Variants in TESC observed in about 807,000 individuals in gnomAD.
TESC encodes calcineurin B homologous protein 3.
A neutral mutation model predicts 31.0 loss-of-function variants in TESC; 19 were observed. The observed-to-expected ratio is 0.61, with a 90% CI of 0.43 to 0.90. The LOEUF is 0.90. Ranked by LOEUF, TESC falls within the 40% of genes least tolerant of loss-of-function variation. TESC has a pLI of 0.00. For synonymous variants in TESC, 109 were observed against 114.8 expected, an observed-to-expected ratio of 0.95 and a Z score of 0.32; for missense variants, 248 against 303.8, an observed-to-expected ratio of 0.82 and a Z score of 1.36.
rs1267460547 is a variant in TESC at position 117,046,630 on chromosome 12, C to T, written c.448G>A (p.Glu150Lys). ...GCGATGGAGCGAGCGGACTCCTTCTCGATGTGAGGGTTTCCCGACAGCAGC... is the reference window on the plus strand; with the variant it reads ...GCGATGGAGCGAGCGGACTCCTTCTTGATGTGAGGGTTTCCCGACAGCAGC... ...EELLSGNPHIEKESARSIADG... is the reference protein window; with the variant it reads ...EELLSGNPHIKKESARSIADG... Residue 150 changes from glutamate to lysine, a missense_variant, in exon 6 of 8, where the codon GAG (glutamate) becomes AAG (lysine). Glu to Lys is a moderately conservative substitution (Grantham distance 56). Transcript: ENST00000335209. 3.2e-6 allele frequency: 5 copies of T among 1,551,822 alleles called. No individual in the cohort carries two copies. The highest frequency in any genetic ancestry group is 4.4e-6 in the Non-Finnish European group (5 of 1,147,134).
At chr12:117,041,224 A>G (rs1187300401) in intron 7 of TESC, among the ~76,000 whole-genome samples, 1 of 152,228 alleles carries the variant, frequency 6.6e-6, no homozygotes, top group Non-Finnish European at 1.5e-5. Flanking sequence ...TTTAGGACAC[A>G]GCGAGGAAGG....
intron 1 of TESC, among the ~76,000 whole-genome samples, chr12:117,090,667 A>G (rs1955293807): frequency 6.6e-6 from 1 of 152,204 alleles, no homozygotes; most frequent in African/African-American, 2.4e-5. Flanking sequence ...TATCTGCTGG[A>G]AAAGGACAGG....
At chr12:117,072,496 C>T (rs1307837632) in intron 2 of TESC, among the ~76,000 whole-genome samples, 3 of 152,226 alleles carry the variant, frequency 2.0e-5, no homozygotes, top group Non-Finnish European at 4.4e-5. Flanking sequence ...AAGCCAATGG[C>T]ATGAAGGATT....
intron 1 of TESC, among the ~76,000 whole-genome samples, chr12:117,077,484 G>A (rs1394772023): frequency 1.3e-5 from 2 of 152,308 alleles, no homozygotes; most frequent in African/African-American, 2.4e-5. Flanking sequence ...ATGTCATGGC[G>A]GTGCCATTGG....
intron 4 of TESC, among the ~76,000 whole-genome samples, chr12:117,047,292 C>A (rs1289462608): frequency 6.6e-6 from 1 of 152,258 alleles, no homozygotes; most frequent in African/African-American, 2.4e-5. Flanking sequence ...CTGGGCCCGA[C>A]TGATCTAACA....
chr12:117,083,781 G>GC (rs1955180366), intron 1 of TESC, among the ~76,000 whole-genome samples: 1 of 152,124 alleles, frequency 6.6e-6, no homozygotes, highest in Admixed American at 6.6e-5. Context: ...TATCCTTTTG[G>GC]GGGTGATAAG....
chr12:117,064,624 A>G (rs1012673641), intron 2 of TESC, among the ~76,000 whole-genome samples: 1 of 152,224 alleles, frequency 6.6e-6, no homozygotes, highest in Non-Finnish European at 1.5e-5. Context: ...GGAGAGCACA[A>G]AAAAGATGGG....
chr12:117,074,962 C>T (rs776901629), intron 2 of TESC, among the ~76,000 whole-genome samples: 12 of 152,020 alleles, frequency 7.9e-5, no homozygotes, highest in African/African-American at 1.2e-4. Flanking sequence ...CTGGCTAACA[C>T]GGTGAAACCC....
intron 2 of TESC, among the ~76,000 whole-genome samples, chr12:117,072,833 A>G (rs992089667): frequency 6.6e-6 from 1 of 152,206 alleles, no homozygotes; most frequent in Non-Finnish European, 1.5e-5. Context: ...CCTGGAGTAC[A>G]GTGGTGCACT....
At chr12:117,051,185 G>A (rs906102548) in intron 3 of TESC, among the ~76,000 whole-genome samples, 5 of 152,210 alleles carry the variant, frequency 3.3e-5, no homozygotes, top group South Asian at 4.1e-4. Context: ...CCCAGGGCAC[G>A]ACTGCACCTC....
At chr12:117,073,484 A>T (rs1043868574) in intron 2 of TESC, among the ~76,000 whole-genome samples, 2 of 152,210 alleles carry the variant, frequency 1.3e-5, no homozygotes, top group Non-Finnish European at 2.9e-5. Flanking sequence ...GAGCTCTTGA[A>T]ATTAAGAATG....
chr12:117,041,328 T>C (rs1565956566), intron 7 of TESC, among the ~76,000 whole-genome samples: 1 of 151,434 alleles, frequency 6.6e-6, no homozygotes, highest in Non-Finnish European at 1.5e-5. Context: ...CTGTTCCAAC[T>C]ACAACAGGGC....
At chr12:117,094,973 G>A (rs1427179137) in intron 1 of TESC, among the ~76,000 whole-genome samples, 2 of 146,576 alleles carry the variant, frequency 1.4e-5, no homozygotes, top group Non-Finnish European at 3.0e-5. Context: ...CTGAGATCGC[G>A]CCACTGCACT....
At chr12:117,065,579 C>A in intron 2 of TESC, among the ~76,000 whole-genome samples, 1 of 152,000 alleles carries the variant, frequency 6.6e-6, no homozygotes, top group Non-Finnish European at 1.5e-5. Flanking sequence ...GGGGAGAGGT[C>A]CTGGGAGGAC....
intron 1 of TESC, among the ~76,000 whole-genome samples, chr12:117,095,343 G>A (rs1955376913): frequency 6.6e-6 from 1 of 152,170 alleles, no homozygotes; most frequent in South Asian, 2.1e-4. Flanking sequence ...AAAGTGCTGG[G>A]ATTATAGGCG....
chr12:117,092,052 T>C (rs1955318482), intron 1 of TESC, among the ~76,000 whole-genome samples: 1 of 152,216 alleles, frequency 6.6e-6, no homozygotes, highest in East Asian at 1.9e-4. Flanking sequence ...TGGGCAGTCA[T>C]TTCCTCTGTC....
intron 4 of TESC, among the ~76,000 whole-genome samples, chr12:117,047,576 C>T (rs1000882865): frequency 8.6e-5 from 13 of 152,022 alleles, no homozygotes; most frequent in African/African-American, 2.9e-4. Context: ...AGGTGCACGC[C>T]GCCATGCCCA....
intron 1 of TESC, among the ~76,000 whole-genome samples, chr12:117,083,163 G>GCAAT (rs1955171808): frequency 6.6e-6 from 1 of 151,770 alleles, no homozygotes; most frequent in Admixed American, 6.6e-5. Flanking sequence ...TTAGCTCACT[G>GCAAT]CAATCTCTGC....
In TESC at chr12:117,038,969, G is replaced by A. The variant is rs1162549533; in HGVS notation, c.*164C>T. The A allele has an allele frequency of 2.3e-5, 12 of 526,694 alleles. No individual in the cohort carries two copies. Among genetic ancestry groups the A allele is most frequent in the South Asian group, 7.6e-5 (2 of 26,412 alleles). 32.6% of individuals were successfully genotyped at this position (526,694 alleles called of 1,614,324 possible). A position where few individuals can be genotyped will look rare whatever the true frequency, so the allele number is the denominator to read the frequency against. On this transcript the variant is annotated 3_prime_UTR_variant, in exon 8 of 8. Coordinates refer to ENST00000335209, the MANE Select transcript of TESC (RefSeq NM_017899.4). ...TTTTTTTATTGGAGATAAAAACAGC[G>A]AAGTCCCACATACCATACCCTACAA...
Sources: allele counts gnomAD v4.1 joint callset (sites outside exome capture counted in the v4.1 genomes callset), GRCh38; gene constraint gnomAD v4.1.1; transcripts MANE v1.5; gene names NCBI Gene and HGNC (gene_info 2026-07-23, HGNC 2026-07-21).